Variants in GFRA2 observed in about 807,000 individuals in gnomAD.
GFRA2 encodes GDNF family receptor alpha 2.
Under a neutral mutation model 48.3 loss-of-function variants are expected in GFRA2, and 17 were observed. That is an observed-to-expected ratio of 0.35 (90% CI 0.24 to 0.53). The LOEUF (loss-of-function observed/expected upper bound fraction) is 0.53, where lower values mean the gene tolerates loss of function less well. GFRA2 is among the 20% of genes least tolerant of loss of function. The pLI, the probability that GFRA2 is intolerant of heterozygous loss-of-function variation, is 0.93. For synonymous variants in GFRA2, 305 were observed against 257.2 expected, an observed-to-expected ratio of 1.19 and a Z score of -1.78; for missense variants, 660 against 637.3, an observed-to-expected ratio of 1.04 and a Z score of -0.38.
At chr8:21,795,689 G>C (rs976211071) in intron 2 of GFRA2, among the ~76,000 whole-genome samples, 1 of 152,138 alleles carries the variant, frequency 6.6e-6, no homozygotes, top group African/African-American at 2.4e-5. Context: ...CATCGCACCT[G>C]GCCTCAGGGA....
chr8:21,801,801 C>T (rs1807775390), intron 2 of GFRA2, among the ~76,000 whole-genome samples: 2 of 152,156 alleles, frequency 1.3e-5, no homozygotes, highest in South Asian at 2.1e-4. Context: ...GGCGGCATCC[C>T]TTCACAAGGT....
Position 21,788,510 on chromosome 8 carries a change from C to T in GFRA2, c.-351G>A, listed in dbSNP as rs1253054032. On this transcript the variant is annotated 5_prime_UTR_variant, in exon 1 of 9. Transcript: ENST00000524240. ...GCGTGAGTCCCCGCGGGTCCAATTCCCCTGCGCTTCCCAGGAGGGGCCTGG... is the reference window on the plus strand; with the variant it reads ...GCGTGAGTCCCCGCGGGTCCAATTCTCCTGCGCTTCCCAGGAGGGGCCTGG... 2 of 1,054,534 alleles carry T rather than the reference C, an allele frequency of 1.9e-6. No individual in the cohort carries two copies. The highest frequency in any genetic ancestry group is 2.3e-6 in the Non-Finnish European group (2 of 875,982). 65.3% of individuals were successfully genotyped at this position (1,054,534 alleles called of 1,614,324 possible). A position where few individuals can be genotyped will look rare whatever the true frequency, so the allele number is the denominator to read the frequency against.
intron 4 of GFRA2, among the ~76,000 whole-genome samples, chr8:21,741,421 T>C (rs1252622475): frequency 6.6e-6 from 1 of 152,086 alleles, no homozygotes; most frequent in East Asian, 1.9e-4. Context: ...AGATTCCCCC[T>C]CTCTGCCCCT....
chr8:21,783,151 A>G (rs1298072339), intron 1 of GFRA2: 2 of 663,184 alleles, frequency 3.0e-6, no homozygotes, highest in African/African-American at 3.5e-5. Context: ...GCCTAGGAGC[A>G]CAGCACAATA....
rs187523450 is a variant in GFRA2, at chr8:21,741,414, T to C, written c.794+9174A>G. ...GATAAACTTTTCCTGGCCAAGCAGATTCCCCCTCTCTGCCCCTGTTATTCT... is the reference window on the plus strand; with the variant it reads ...GATAAACTTTTCCTGGCCAAGCAGACTCCCCCTCTCTGCCCCTGTTATTCT... On this transcript the variant is annotated intron_variant, in intron 4 of 8. Transcript: ENST00000524240. 5.4e-3 allele frequency among the ~76,000 whole-genome samples: 815 copies of C among 152,272 alleles called. 2 individuals carry two copies. The highest frequency in any genetic ancestry group is 0.019 in the African/African-American group (784 of 41,562).
chr8:21,705,501 T>C (rs59218357), intron 5 of GFRA2, among the ~76,000 whole-genome samples: 6,692 of 152,276 alleles, frequency 0.044, 217 homozygotes, highest in South Asian at 0.14. Context: ...CCGATATTTA[T>C]GAGCGAGGTG....
intron 3 of GFRA2, among the ~76,000 whole-genome samples, chr8:21,753,645 G>A (rs1256324501): frequency 6.6e-6 from 1 of 151,854 alleles, no homozygotes; most frequent in African/African-American, 2.4e-5. Flanking sequence ...AGAAAGAAAA[G>A]AAAAAAATAA....
intron 4 of GFRA2, among the ~76,000 whole-genome samples, chr8:21,726,451 T>C (rs1292903985): frequency 1.3e-5 from 2 of 152,168 alleles, no homozygotes; most frequent in East Asian, 3.9e-4. Context: ...TGGCTTAAAA[T>C]AACACAAGTT....
At chr8:21,703,742 A>C (rs1049282620) in intron 6 of GFRA2, among the ~76,000 whole-genome samples, 5 of 151,970 alleles carry the variant, frequency 3.3e-5, no homozygotes, top group Non-Finnish European at 5.9e-5. Context: ...CTCACCTCCT[A>C]AAGATCCCTC....
intron 2 of GFRA2, among the ~76,000 whole-genome samples, chr8:21,775,923 C>A (rs919988087): frequency 5.9e-5 from 9 of 151,358 alleles, no homozygotes; most frequent in Non-Finnish European, 1.0e-4. Flanking sequence ...GAGGCCTCAG[C>A]GGGAAAGGAA....
At chr8:21,757,051 C>T (rs1203456204) in intron 3 of GFRA2, among the ~76,000 whole-genome samples, 3 of 152,180 alleles carry the variant, frequency 2.0e-5, no homozygotes, top group Admixed American at 1.3e-4. Flanking sequence ...TCCCAACCTC[C>T]AGCTCCTGGC....
Position 21,750,769 on chromosome 8 carries a change from G to C in GFRA2, c.613C>G (p.Arg205Gly). 1 of 1,614,022 alleles carries C rather than the reference G, an allele frequency of 6.2e-7. No individual in the cohort carries two copies. ...CNRRKCHKAL[R>G]QFFDRVPSEY... ...CTGGGCACCCGGTCGAAGAACTGGC[G>C]CAGGGCCTTGTGGCACTTGCGGCGG... is the stretch of plus-strand genomic sequence containing the variant. The change falls in exon 4 of 9, where the codon CGC (arginine) becomes GGC (glycine). Residue 205 changes from arginine (R) to glycine (G), a missense_variant. By Grantham distance (125) the Arg-to-Gly change is moderately radical. Coordinates refer to ENST00000524240, the MANE Select transcript of GFRA2 (RefSeq NM_001495.5). The surrounding 1 kb of genome is among the most constrained non-coding windows in gnomAD (Gnocchi z 5.7).
chr8:21,796,297 G>A (rs75841148), intron 2 of GFRA2, among the ~76,000 whole-genome samples: 35,525 of 152,170 alleles, frequency 0.23, 4,854 homozygotes, highest in East Asian at 0.4. Context: ...CATCTCTCAA[G>A]ACACTGGCCA....
chr8:21,800,371 G>A (rs1388869682), intron 2 of GFRA2, among the ~76,000 whole-genome samples: 1 of 152,222 alleles, frequency 6.6e-6, no homozygotes, highest in Non-Finnish European at 1.5e-5. Flanking sequence ...TGAGATCCGA[G>A]AAGGTGAATC....
chr8:21,753,299 A>G (rs941416699), intron 3 of GFRA2, among the ~76,000 whole-genome samples: 1 of 152,212 alleles, frequency 6.6e-6, no homozygotes, highest in African/African-American at 2.4e-5. Flanking sequence ...CCAGATTTTG[A>G]AAATGTAATA....
chr8:21,763,943 A>C lies in GFRA2; in HGVS notation c.439+11029T>G, dbSNP rs552390959. On this transcript the variant is annotated intron_variant, in intron 3 of 8. Coordinates refer to ENST00000524240, the MANE Select transcript of GFRA2 (RefSeq NM_001495.5). Reference sequence around the variant, plus strand: ...GCTGGCTCCTGAGCAGCCAAAGGTCACTAGGTAACACACACACACACACAC... The same window carrying C: ...GCTGGCTCCTGAGCAGCCAAAGGTCCCTAGGTAACACACACACACACACAC... 2.0e-3 allele frequency among the ~76,000 whole-genome samples: 282 copies of C among 139,712 alleles called. No homozygotes were observed. In the Middle Eastern group the frequency reaches 0.022, roughly 11 times the overall value. The allele number at this position is 139,712 out of a possible 152,430, so 91.7% of individuals were successfully genotyped here. A position where few individuals can be genotyped will look rare whatever the true frequency, so the allele number is the denominator to read the frequency against.
chr8:21,725,329 G>A (rs1803812426), intron 4 of GFRA2, among the ~76,000 whole-genome samples: 1 of 152,218 alleles, frequency 6.6e-6, no homozygotes. Context: ...GCAACAGCAT[G>A]CTGAAGGGCC....
chr8:21,724,907 C>T (rs558325481), intron 4 of GFRA2, among the ~76,000 whole-genome samples: 1 of 152,268 alleles, frequency 6.6e-6, no homozygotes, highest in Admixed American at 6.5e-5. Context: ...GCCTAGGCTG[C>T]AATGGCCAGC....
At chr8:21,752,808 A>G (rs1805363419) in intron 3 of GFRA2, among the ~76,000 whole-genome samples, 1 of 152,112 alleles carries the variant, frequency 6.6e-6, no homozygotes, top group Non-Finnish European at 1.5e-5. Flanking sequence ...TCCTTCCAGT[A>G]GCCCATGCCA....
Sources: allele counts gnomAD v4.1 joint callset (sites outside exome capture counted in the v4.1 genomes callset), GRCh38; gene constraint gnomAD v4.1.1; non-coding constraint Gnocchi (gnomAD v3.1); transcripts MANE v1.5; gene names NCBI Gene and HGNC (gene_info 2026-07-23, HGNC 2026-07-21).